Variants in HDAC9 observed in about 807,000 individuals in gnomAD.
HDAC9 encodes the protein MEF-2 interacting transcription repressor (MITR) protein.
HDAC9 carries 41 observed loss-of-function variants against 139.4 expected under a neutral mutation model. The observed-to-expected ratio is 0.29, with a 90% CI of 0.23 to 0.38. The LOEUF is 0.38. Ranked by LOEUF, HDAC9 falls within the 10% of genes least tolerant of loss-of-function variation. HDAC9 has a pLI of 1.00. For missense variants in HDAC9, 1,147 were observed against 1,297.0 expected (o/e 0.88, Z 1.78); for synonymous variants, 517 against 476.2 (o/e 1.09, Z -1.12).
At chr7:18,288,559 C>T (rs1303586249), upstream of HDAC9, among the ~76,000 whole-genome samples, 1 of 152,066 alleles carries the variant, frequency 6.6e-6, no homozygotes, top group Non-Finnish European at 1.5e-5. Flanking sequence ...AGATGACTTC[C>T]TCAATATGTA....
At chr7:18,219,686 C>A (rs1792548733) in intron 2 of HDAC9, among the ~76,000 whole-genome samples, 1 of 152,108 alleles carries the variant, frequency 6.6e-6, no homozygotes. Flanking sequence ...TTTCATATAA[C>A]TGATGTTCTC....
intron 1 of HDAC9, among the ~76,000 whole-genome samples, chr7:18,429,710 A>G (rs1790462303): frequency 6.6e-6 from 1 of 152,230 alleles, no homozygotes; most frequent in South Asian, 2.1e-4. Flanking sequence ...CAAAGCATAA[A>G]GTTTAAACTT....
At chr7:18,427,417 T>C (rs528362942) in intron 1 of HDAC9, among the ~76,000 whole-genome samples, 2 of 152,152 alleles carry the variant, frequency 1.3e-5, no homozygotes, top group South Asian at 4.1e-4. Context: ...TTTATTTTTT[T>C]TTTACCTCCT....
intron 24 of HDAC9, among the ~76,000 whole-genome samples, chr7:18,960,618 A>C (rs1783465128): frequency 6.6e-6 from 1 of 152,146 alleles, no homozygotes; most frequent in Admixed American, 6.6e-5. Context: ...TGAATAATCA[A>C]AATATGTGGT....
At chr7:18,694,839 A>G (rs893025759) in intron 12 of HDAC9, among the ~76,000 whole-genome samples, 2 of 152,212 alleles carry the variant, frequency 1.3e-5, no homozygotes, top group Non-Finnish European at 2.9e-5. Context: ...CAAAGGGACA[A>G]TATCCTTGGG....
At chr7:18,520,517 T>C (rs1053200177) in intron 2 of HDAC9, among the ~76,000 whole-genome samples, 4 of 152,208 alleles carry the variant, frequency 2.6e-5, no homozygotes, top group African/African-American at 9.6e-5. Flanking sequence ...TGTAGACATA[T>C]GAGCTTTCTG....
chr7:18,401,202 A>G (rs758743905), intron 1 of HDAC9, among the ~76,000 whole-genome samples: 9 of 152,208 alleles, frequency 5.9e-5, no homozygotes, highest in Non-Finnish European at 1.3e-4. Flanking sequence ...TAATTGTGAT[A>G]TTACAGCTAG....
At chr7:18,512,102 T>TAA in intron 2 of HDAC9, among the ~76,000 whole-genome samples, 1 of 151,960 alleles carries the variant, frequency 6.6e-6, no homozygotes, top group Non-Finnish European at 1.5e-5. Context: ...GAAACTCTTA[T>TAA]TAAACTAAAA....
chr7:18,112,365 C>T (rs1783675207), intron 1 of HDAC9, among the ~76,000 whole-genome samples: 1 of 152,140 alleles, frequency 6.6e-6, no homozygotes, highest in Non-Finnish European at 1.5e-5. Context: ...ATGCGGACTA[C>T]AGTTAAACTT....
At chr7:18,518,789 A>G (rs1345323595) in intron 2 of HDAC9, among the ~76,000 whole-genome samples, 5 of 152,366 alleles carry the variant, frequency 3.3e-5, no homozygotes, top group Middle Eastern at 3.4e-3. Context: ...CTTTAAAATC[A>G]GAGATGTATC....
intron 19 of HDAC9, among the ~76,000 whole-genome samples, chr7:18,834,555 A>C (rs1796091433): frequency 6.7e-6 from 1 of 149,790 alleles, no homozygotes; most frequent in African/African-American, 2.5e-5. Context: ...AGTGGGAAAG[A>C]GGACTGGTGT....
chr7:18,499,485 G>T (rs566786464), intron 2 of HDAC9, among the ~76,000 whole-genome samples: 2 of 152,132 alleles, frequency 1.3e-5, no homozygotes, highest in Admixed American at 6.5e-5. Context: ...GACACATTTT[G>T]TCAAGTACAT....
chr7:18,833,666 A>AT (rs985219006), intron 19 of HDAC9, among the ~76,000 whole-genome samples: 14 of 151,832 alleles, frequency 9.2e-5, no homozygotes, highest in South Asian at 2.1e-4. Flanking sequence ...TGACTAAGTT[A>AT]TTTTTTTTCC....
At chr7:18,715,399 A>T (rs931495552) in intron 12 of HDAC9, among the ~76,000 whole-genome samples, 6 of 152,174 alleles carry the variant, frequency 3.9e-5, no homozygotes, top group Non-Finnish European at 7.4e-5. Flanking sequence ...ATGACAAAAG[A>T]TATTTGGAAT....
At chr7:18,206,019 T>C (rs554402182) in intron 2 of HDAC9, among the ~76,000 whole-genome samples, 1 of 152,300 alleles carries the variant, frequency 6.6e-6, no homozygotes, top group Admixed American at 6.5e-5. Flanking sequence ...ATTTTTTTAA[T>C]AGTAACTTTT....
chr7:18,658,910 A>C (rs1792199123), intron 11 of HDAC9, among the ~76,000 whole-genome samples: 1 of 151,556 alleles, frequency 6.6e-6, no homozygotes, highest in Non-Finnish European at 1.5e-5. Context: ...AAAAAAAAAA[A>C]AAACAAAACA....
intron 23 of HDAC9, among the ~76,000 whole-genome samples, chr7:18,938,377 C>T (rs1317708237): frequency 6.6e-6 from 1 of 151,934 alleles, no homozygotes; most frequent in East Asian, 1.9e-4. Context: ...GGGTGGATCA[C>T]GAGGTCATGA....
intron 25 of HDAC9, among the ~76,000 whole-genome samples, chr7:18,980,311 G>A (rs779187030): frequency 2.0e-5 from 3 of 152,120 alleles, no homozygotes; most frequent in Admixed American, 6.5e-5. Flanking sequence ...GAATAGAAAC[G>A]TATATAAAAT....
chr7:18,900,347 C>A (rs920393376), intron 22 of HDAC9, among the ~76,000 whole-genome samples: 4 of 152,136 alleles, frequency 2.6e-5, no homozygotes, highest in African/African-American at 9.7e-5. Flanking sequence ...GTACTTGATC[C>A]TGGGATGCTG....
Sources: gnomAD v4.1 joint callset for allele counts (sites outside exome capture counted in the v4.1 genomes callset) on GRCh38, gnomAD v4.1.1 for gene constraint, MANE v1.5 for transcripts, NCBI Gene and HGNC (gene_info 2026-07-23, HGNC 2026-07-21) for gene names.